Variants in POU2AF3 observed in about 807,000 individuals in gnomAD.
POU2AF3 encodes cancer susceptibility candidate 13.
At chr11:111,298,992 G>A in the POU2AF3 span, 1 of 999,660 alleles carries the variant, frequency 1.0e-6, no homozygotes, top group South Asian at 4.7e-5. Context: ...TCCCTGCGCG[G>A]ACCCCGAGGG....
the POU2AF3 span, chr11:111,300,236 G>A: frequency 3.2e-6 from 1 of 316,938 alleles, no homozygotes; most frequent in Non-Finnish European, 5.7e-6. Flanking sequence ...ATATTCCAGA[G>A]CAGAAAAACC....
At chr11:111,298,736 C>A in the POU2AF3 span, 3 of 1,101,486 alleles carry the variant, frequency 2.7e-6, no homozygotes, top group Non-Finnish European at 3.5e-6. Context: ...AGGACGCGAG[C>A]CACGCTGTGG....
chr11:111,304,912 A>AT, the POU2AF3 span: 1 of 1,230,936 alleles, frequency 8.1e-7, no homozygotes, highest in Non-Finnish European at 1.0e-6. Context: ...TCACGGTGAT[A>AT]TTCTTGCTTT....
At chr11:111,299,371 G>T in the POU2AF3 span, 2 of 994,928 alleles carry the variant, frequency 2.0e-6, no homozygotes, top group Non-Finnish European at 2.4e-6. Flanking sequence ...AGCCGCCCCG[G>T]ACTCCTGCGG....
At chr11:111,298,796 T>C in the POU2AF3 span, 1 of 1,199,700 alleles carries the variant, frequency 8.3e-7, no homozygotes, top group Non-Finnish European at 1.0e-6. Flanking sequence ...AGAGGCCGAG[T>C]TGGCCGCTCC....
chr11:111,300,434 CT>C, the POU2AF3 span: 1 of 445,494 alleles, frequency 2.2e-6, no homozygotes. Flanking sequence ...AGAAACTTGG[CT>C]TTGGGTGCCA....
chr11:111,305,695 T>C, the POU2AF3 span, among the ~76,000 whole-genome samples: 1 of 152,238 alleles, frequency 6.6e-6, no homozygotes, highest in Non-Finnish European at 1.5e-5. Flanking sequence ...ATTGGGCCTA[T>C]TAATAATAAA....
At chr11:111,299,212 G>T in the POU2AF3 span, 438 of 980,360 alleles carry the variant, frequency 4.5e-4, no homozygotes, top group Admixed American at 8.6e-4. Context: ...GTCCAGCTGC[G>T]GTCCCCGCAG....
chr11:111,298,829 C>CGGGG, the POU2AF3 span: 1 of 388,154 alleles, frequency 2.6e-6, no homozygotes, highest in South Asian at 1.6e-4. Flanking sequence ...ACCCCAGGCC[C>CGGGG]CCGCCCGCCC....
the POU2AF3 span, chr11:111,298,928 T>G: frequency 9.4e-7 from 1 of 1,059,434 alleles, no homozygotes; most frequent in Non-Finnish European, 1.1e-6. Context: ...AGGCTCACAG[T>G]GAGCCTGGGA....
At chr11:111,303,576 A>G in the POU2AF3 span, among the ~76,000 whole-genome samples, 1 of 152,196 alleles carries the variant, frequency 6.6e-6, no homozygotes, top group Non-Finnish European at 1.5e-5. Context: ...GGAGTTAAGG[A>G]AAGCTCTACA....
the POU2AF3 span, among the ~76,000 whole-genome samples, chr11:111,302,272 C>T: frequency 6.6e-6 from 1 of 152,124 alleles, no homozygotes; most frequent in East Asian, 1.9e-4. Flanking sequence ...GCAGATCTGA[C>T]GATACTAAGC....
At chr11:111,307,031 A>G in the POU2AF3 span, among the ~76,000 whole-genome samples, 1 of 152,208 alleles carries the variant, frequency 6.6e-6, no homozygotes, top group Non-Finnish European at 1.5e-5. Flanking sequence ...AAGGCTGTGT[A>G]TATATGGTAA....
At chr11:111,300,272 G>A in the POU2AF3 span, 1 of 320,076 alleles carries the variant, frequency 3.1e-6, no homozygotes, top group South Asian at 1.6e-4. Flanking sequence ...TAGGACTGAG[G>A]CCCAGCCAGG....
At chr11:111,300,614 G>T in the POU2AF3 span, 1 of 1,231,150 alleles carries the variant, frequency 8.1e-7, no homozygotes, top group South Asian at 4.1e-5. Flanking sequence ...GCGGCCTCCG[G>T]GGGAACCGTA....
the POU2AF3 span, among the ~76,000 whole-genome samples, chr11:111,301,045 T>C: frequency 1.3e-5 from 2 of 152,242 alleles, no homozygotes; most frequent in South Asian, 4.1e-4. Context: ...TGGAACATCC[T>C]CCCTTCCCTC....
chr11:111,306,644 A>G, the POU2AF3 span: 7 of 1,512,506 alleles, frequency 4.6e-6, no homozygotes, highest in East Asian at 7.4e-5. Flanking sequence ...TCAGTTCTTT[A>G]TATACCTGAT....
chr11:111,299,464 C>T, the POU2AF3 span: 9 of 1,080,744 alleles, frequency 8.3e-6, 1 homozygote, highest in African/African-American at 1.2e-4. Context: ...TTTCGGGGCC[C>T]GGGGCTGAGG....
the POU2AF3 span, among the ~76,000 whole-genome samples, chr11:111,304,086 A>G: frequency 6.6e-6 from 1 of 152,196 alleles, no homozygotes; most frequent in African/African-American, 2.4e-5. Context: ...ATTCCCGACC[A>G]TTAACTAGAA....
Sources: allele counts gnomAD v4.1 joint callset (sites outside exome capture counted in the v4.1 genomes callset), GRCh38; gene constraint gnomAD v4.1.1; transcripts MANE v1.5; gene names NCBI Gene and HGNC (gene_info 2026-07-23, HGNC 2026-07-21).